CIB3: variants seen among roughly 807,000 people sequenced by gnomAD.
CIB3 encodes calcium and integrin binding family member 3, also known as calcium and integrin-binding family member 3.
Under a neutral mutation model 23.4 loss-of-function variants are expected in CIB3, and 22 were observed. The observed-to-expected ratio is 0.94, with a 90% CI of 0.67 to 1.34. CIB3 has a LOEUF of 1.34. Among genes scored for constraint, CIB3 ranks in the 40% most tolerant of loss-of-function variants. CIB3 has a pLI of 0.00. For missense variants in CIB3, 258 were observed against 247.3 expected, an observed-to-expected ratio of 1.04 and a Z score of -0.29; for synonymous variants, 93 against 95.8, an observed-to-expected ratio of 0.97 and a Z score of 0.17.
At chr19:16,162,511 G>A (rs2091288738) in intron 5 of CIB3, among the ~76,000 whole-genome samples, 1 of 152,126 alleles carries the variant, frequency 6.6e-6, no homozygotes, top group Admixed American at 6.6e-5. Context: ...CAGCACTTTG[G>A]GAGGCCAAGA....
At chr19:16,163,014 C>T (rs866290127) in intron 5 of CIB3, among the ~76,000 whole-genome samples, 112 of 151,134 alleles carry the variant, frequency 7.4e-4, no homozygotes, top group African/African-American at 2.5e-3. Context: ...CTCAGCCTCC[C>T]GAGTAGCTGG....
chr19:16,164,643 A>G, intron 5 of CIB3, 75 bp downstream of exon 5: 1 of 1,337,314 alleles, frequency 7.5e-7, no homozygotes, highest in Non-Finnish European at 1.0e-6. Context: ...TTTCAGAAAC[A>G]GAGTCTGTGA....
chr19:16,168,495 G>A (rs1256373215), intron 3 of CIB3, among the ~76,000 whole-genome samples: 1 of 152,150 alleles, frequency 6.6e-6, no homozygotes, highest in African/African-American at 2.4e-5. Flanking sequence ...CCAGCTCTTG[G>A]AGCAGCCATG....
chr19:16,169,771 A>G (rs2145084361), intron 2 of CIB3, 30 bp from the exon 3 acceptor site: 1 of 1,567,032 alleles, frequency 6.4e-7, no homozygotes, highest in Admixed American at 1.9e-5. Context: ...GCTGGGAAAG[A>G]CTGGGAGCAG....
At position 16,169,709 on chromosome 19, in the gene CIB3, T is replaced by C. The variant is rs2091320195; in HGVS notation, c.119A>G (p.Gln40Arg). The stretch of plus-strand genomic sequence containing the variant: ...GGTGGTATAGTCGAGGGGCACGAGC[T>C]GTGGGGCCAGGTCCTGGTAGCGATA... ...LFYRYQDLAP[Q>R]LVPLDYTTCP... The change falls in exon 3 of 6, where the codon CAG (glutamine) becomes CGG (arginine). Residue 40 changes from glutamine to arginine, a missense_variant. By Grantham distance (43) the Gln-to-Arg change is conservative. Transcript: ENST00000269878. 4.3e-6 allele frequency: 7 copies of C among 1,612,484 alleles called. No individual in the cohort carries two copies. The highest frequency in any genetic ancestry group is 5.9e-6 in the Non-Finnish European group (7 of 1,179,278).
intron 5 of CIB3, among the ~76,000 whole-genome samples, chr19:16,163,756 A>C (rs2091294592): frequency 6.6e-6 from 1 of 152,130 alleles, no homozygotes. Flanking sequence ...GGTTCAGCAA[A>C]CCTTTTTCTG....
At chr19:16,167,241 C>A (rs11881947) in intron 4 of CIB3, among the ~76,000 whole-genome samples, 4,653 of 151,720 alleles carry the variant, frequency 0.031, 224 homozygotes, top group African/African-American at 0.1. Context: ...AACACACACA[C>A]AAAAAAAACA....
At chr19:16,173,255 C>T in intron 1 of CIB3, 59 bp from the exon 2 acceptor site, 1 of 1,610,998 alleles carries the variant, frequency 6.2e-7, no homozygotes, top group South Asian at 1.1e-5. Flanking sequence ...CTCCCACGGC[C>T]TCCTCCCTCC....
Position 16,161,432 on chromosome 19 carries a change from G to T in CIB3, c.*33C>A. On this transcript the variant is annotated 3_prime_UTR_variant, in exon 6 of 6. Transcript: ENST00000269878. ...TCCACAGCGGGTGAGGGGTCACCCC[G>T]CCCTCCTATAGCTCGGCTCCTCTGT... is the stretch of plus-strand genomic sequence containing the variant. 1.2e-6 allele frequency: 2 copies of T among 1,612,522 alleles called. No homozygotes were observed. Among genetic ancestry groups the T allele is most frequent in the Middle Eastern group, 3.3e-4 (2 of 6,056 alleles).
rs1285980861 is a variant in CIB3 at position 16,168,176 on chromosome 19, G to A, written c.307C>T (p.Pro103Ser). The A allele has an allele frequency of 6.2e-7, 1 of 1,612,098 alleles. No homozygotes were observed. Among genetic ancestry groups the A allele is most frequent in the Non-Finnish European group, 8.5e-7 (1 of 1,179,270 alleles). The stretch of plus-strand genomic sequence containing the variant: ...GCATAGTAAGCCTTGAGGTCGCGGG[G>A]AGCCATTTCACTCATCACGGAAAAC... ...DMFSVMSEMAPRDLKAYYAFK... is the reference protein window; with the variant it reads ...DMFSVMSEMASRDLKAYYAFK... The change falls in exon 4 of 6, where the codon CCC (proline) becomes TCC (serine). Residue 103 changes from proline to serine, a missense_variant. Physicochemically the swap from Pro to Ser is moderately conservative, Grantham distance 74. Coordinates refer to ENST00000269878, the MANE Select transcript of CIB3 (RefSeq NM_054113.4).
intron 5 of CIB3, among the ~76,000 whole-genome samples, chr19:16,162,285 G>A (rs568831411): frequency 6.6e-6 from 1 of 150,980 alleles, no homozygotes; most frequent in South Asian, 2.1e-4. Context: ...TTAGCTAGGC[G>A]TGGTGGTGTG....
At chr19:16,168,085 CCCACT>C in intron 4 of CIB3, 47 bp downstream of exon 4, 8 of 1,056,102 alleles carry the variant, frequency 7.6e-6, no homozygotes, top group Non-Finnish European at 1.1e-5. Flanking sequence ...CCACCCAGTT[CCCACT>C]CCCCACCCCA....
intron 5 of CIB3, among the ~76,000 whole-genome samples, chr19:16,164,295 T>G (rs184596217): frequency 5.3e-4 from 80 of 152,334 alleles, no homozygotes; most frequent in African/African-American, 1.9e-3. Context: ...TATTCTTTGA[T>G]TGTTTTTTGA....
At chr19:16,162,886 CTT>C (rs373689760) in intron 5 of CIB3, among the ~76,000 whole-genome samples, 1,717 of 102,178 alleles carry the variant, frequency 0.017, 10 homozygotes, top group African/African-American at 0.058. Context: ...CTTTTCTTTT[CTT>C]TTTTTTTTTT....
chr19:16,170,533 G>A (rs542222191), intron 2 of CIB3, among the ~76,000 whole-genome samples: 43 of 152,188 alleles, frequency 2.8e-4, no homozygotes, highest in Non-Finnish European at 5.4e-4. Context: ...TATAATGGGA[G>A]GAAGAGGCCG....
intron 5 of CIB3, among the ~76,000 whole-genome samples, chr19:16,162,243 C>CAAAAAA (rs79329568): frequency 3.8e-5 from 2 of 52,490 alleles, no homozygotes; most frequent in African/African-American, 6.2e-5. Context: ...CTTGTCTCCA[C>CAAAAAA]AAAAAAAAAA....
chr19:16,168,185 C>T lies in CIB3; in HGVS notation c.298G>A (p.Glu100Lys), dbSNP rs780974632. Residue 100 changes from glutamate to lysine, a missense_variant, in exon 4 of 6, where the codon GAA becomes AAA. Transcript: ENST00000269878. The part of the protein sequence containing the change: ...NFLDMFSVMS[E>K]MAPRDLKAYY... The stretch of plus-strand genomic sequence containing the variant: ...GCCTTGAGGTCGCGGGGAGCCATTT[C>T]ACTCATCACGGAAAACATGTCCAAA... 2 of 1,610,804 alleles carry T rather than the reference C, an allele frequency of 1.2e-6. No homozygotes were observed. Among genetic ancestry groups the T allele is most frequent in the Non-Finnish European group, 1.7e-6 (2 of 1,178,288 alleles).
At chr19:16,168,019 C>T (rs1021877112) in intron 4 of CIB3, 118 bp downstream of exon 4, 2 of 1,319,122 alleles carry the variant, frequency 1.5e-6, no homozygotes, top group Admixed American at 2.3e-5. Flanking sequence ...GGGTGGAGGA[C>T]AGGGCCACAT....
At chr19:16,163,974 G>A (rs1290348404) in intron 5 of CIB3, among the ~76,000 whole-genome samples, 7 of 151,934 alleles carry the variant, frequency 4.6e-5, no homozygotes, top group Non-Finnish European at 8.8e-5. Flanking sequence ...AATTTTTAAT[G>A]TGTTTATTTA....
Sources: allele counts gnomAD v4.1 joint callset (sites outside exome capture counted in the v4.1 genomes callset), GRCh38; gene constraint gnomAD v4.1.1; transcripts MANE v1.5; gene names NCBI Gene and HGNC (gene_info 2026-07-23, HGNC 2026-07-21).